UVRAG: variants seen among roughly 807,000 people sequenced by gnomAD.
UVRAG encodes UV radiation resistance-associated gene protein.
Under a neutral mutation model 78.0 loss-of-function variants are expected in UVRAG, and 19 were observed. The observed-to-expected ratio is 0.24, with a 90% CI of 0.17 to 0.36. The LOEUF is 0.36. Among genes scored for constraint, UVRAG ranks in the 10% least tolerant of loss-of-function variants. UVRAG has a pLI of 1.00. For missense variants in UVRAG, 740 were observed against 853.8 expected, an observed-to-expected ratio of 0.87 and a Z score of 1.66; for synonymous variants, 323 against 324.6, an observed-to-expected ratio of 1.00 and a Z score of 0.05.
intron 6 of UVRAG, among the ~76,000 whole-genome samples, chr11:75,915,382 T>G (rs538534048): frequency 6.6e-6 from 1 of 152,340 alleles, no homozygotes; most frequent in South Asian, 2.1e-4. Context: ...TGCCAAAGAT[T>G]AGCAGTTCTT....
chr11:75,976,365 G>A lies in UVRAG; in HGVS notation c.700-7022G>A, dbSNP rs570339465. ...TGTCTCTGCCAGGCTTTGGTATCAG[G>A]ATGATGCTGGCCTCATAAAATGAGT... On this transcript the variant is annotated intron_variant, in intron 7 of 14. Coordinates refer to ENST00000356136, the MANE Select transcript of UVRAG (RefSeq NM_003369.4). Among the ~76,000 whole-genome samples the A allele has an allele frequency of 4.6e-5, 7 of 152,182 alleles. No individual in the cohort carries two copies. The South Asian group carries it at 1.0e-3, about 23-fold the overall frequency.
chr11:75,825,752 T>G (rs151068100), intron 1 of UVRAG, among the ~76,000 whole-genome samples: 264 of 152,340 alleles, frequency 1.7e-3, no homozygotes, highest in African/African-American at 6.2e-3. Context: ...GTCTTGTGTC[T>G]TGTTCCTGCT....
At chr11:75,996,082 T>C (rs1378281117) in intron 8 of UVRAG, among the ~76,000 whole-genome samples, 1 of 152,142 alleles carries the variant, frequency 6.6e-6, no homozygotes, top group Non-Finnish European at 1.5e-5. Flanking sequence ...TTTATTCCAG[T>C]AATGTCTTAT....
chr11:75,880,892 C>T (rs1481775136), intron 4 of UVRAG, among the ~76,000 whole-genome samples: 2 of 149,576 alleles, frequency 1.3e-5, no homozygotes, highest in African/African-American at 4.9e-5. Flanking sequence ...AAAGTAGCTC[C>T]ATAATATTTT....
At chr11:75,996,664 G>T (rs527565199) in intron 8 of UVRAG, among the ~76,000 whole-genome samples, 8 of 152,254 alleles carry the variant, frequency 5.3e-5, no homozygotes, top group Admixed American at 2.0e-4. Flanking sequence ...AAGCTTACTG[G>T]GGGCAGGCAC....
intron 13 of UVRAG, among the ~76,000 whole-genome samples, chr11:76,112,196 A>G (rs1177866072): frequency 2.0e-5 from 3 of 152,180 alleles, no homozygotes. Flanking sequence ...GCTTCCAGAG[A>G]GAAGAATCAA....
intron 4 of UVRAG, among the ~76,000 whole-genome samples, chr11:75,886,198 A>G (rs1323476933): frequency 3.3e-5 from 5 of 152,104 alleles, no homozygotes; most frequent in Non-Finnish European, 7.4e-5. Flanking sequence ...ATTGTTTCTT[A>G]TTTTTCAACA....
At chr11:75,875,295 G>A (rs1946741975) in intron 3 of UVRAG, among the ~76,000 whole-genome samples, 1 of 152,106 alleles carries the variant, frequency 6.6e-6, no homozygotes. Flanking sequence ...GTGAGCATAT[G>A]TTAGTGTCAC....
intron 3 of UVRAG, among the ~76,000 whole-genome samples, chr11:75,879,421 TC>T (rs1946889101): frequency 6.6e-6 from 1 of 152,232 alleles, no homozygotes; most frequent in Non-Finnish European, 1.5e-5. Flanking sequence ...TGTGATGTCT[TC>T]CCCTGTTCAT....
intron 4 of UVRAG, among the ~76,000 whole-genome samples, chr11:75,884,631 C>T (rs1947037376): frequency 6.6e-6 from 1 of 152,064 alleles, no homozygotes; most frequent in African/African-American, 2.4e-5. Context: ...GATGGATGAA[C>T]AATTGTTCCT....
At chr11:76,010,233 C>T (rs558440615) in intron 11 of UVRAG, among the ~76,000 whole-genome samples, 6 of 152,228 alleles carry the variant, frequency 3.9e-5, no homozygotes, top group African/African-American at 1.4e-4. Context: ...GGATACAGAA[C>T]ATTATTCATT....
chr11:76,130,960 G>A (rs1952503229), intron 14 of UVRAG, among the ~76,000 whole-genome samples: 2 of 150,836 alleles, frequency 1.3e-5, no homozygotes, highest in African/African-American at 4.9e-5. Context: ...TTTTTCCCTG[G>A]TTTTCAGCAT....
chr11:76,138,647 G>A (rs1000450212), intron 14 of UVRAG, among the ~76,000 whole-genome samples: 4 of 152,198 alleles, frequency 2.6e-5, no homozygotes, highest in Non-Finnish European at 5.9e-5. Flanking sequence ...GGATTTCTGG[G>A]GTGGGAGGAT....
At position 75,986,794 on chromosome 11, in the gene UVRAG, C is replaced by T. The variant is rs182705058; in HGVS notation, c.826+3281C>T. Among the ~76,000 whole-genome samples the T allele has an allele frequency of 8.6e-5, 13 of 150,896 alleles. No individual in the cohort carries two copies. In the East Asian group the frequency reaches 1.6e-3, roughly 18 times the overall value. On this transcript the variant is annotated intron_variant, in intron 8 of 14. Coordinates refer to ENST00000356136, the MANE Select transcript of UVRAG (RefSeq NM_003369.4). Reference sequence around the variant, plus strand: ...CCTCCCCCAGTTCTAAGTAACCACCCCCCTACCTTCTGTCTCTAGATTTGC... The same window carrying T: ...CCTCCCCCAGTTCTAAGTAACCACCTCCCTACCTTCTGTCTCTAGATTTGC...
intron 8 of UVRAG, among the ~76,000 whole-genome samples, chr11:75,988,037 G>A (rs758266225): frequency 2.0e-5 from 3 of 152,182 alleles, no homozygotes; most frequent in East Asian, 3.9e-4. Context: ...CAGCCCGGCC[G>A]CATTAACTGT....
At chr11:76,084,955 T>C (rs2134416695) in intron 13 of UVRAG, among the ~76,000 whole-genome samples, 1 of 148,360 alleles carries the variant, frequency 6.7e-6, no homozygotes, top group South Asian at 2.1e-4. Flanking sequence ...TCCCAGCTAC[T>C]CAAGAGGCTG....
chr11:76,091,182 T>C (rs1951689633), intron 13 of UVRAG, among the ~76,000 whole-genome samples: 1 of 152,236 alleles, frequency 6.6e-6, no homozygotes, highest in South Asian at 2.1e-4. Flanking sequence ...TTGAAATCAT[T>C]GTTCTATTAT....
intron 6 of UVRAG, among the ~76,000 whole-genome samples, chr11:75,926,969 A>G (rs1346885305): frequency 6.6e-6 from 1 of 152,146 alleles, no homozygotes; most frequent in Non-Finnish European, 1.5e-5. Context: ...TTAATCCTTA[A>G]AGCAAGTGTA....
At chr11:75,922,080 A>G (rs1309241848) in intron 6 of UVRAG, among the ~76,000 whole-genome samples, 2 of 152,176 alleles carry the variant, frequency 1.3e-5, no homozygotes, top group Non-Finnish European at 2.9e-5. Flanking sequence ...ACTTTAAAAG[A>G]CCAATCTTAT....
Sources: gnomAD v4.1 joint callset for allele counts (sites outside exome capture counted in the v4.1 genomes callset) on GRCh38, gnomAD v4.1.1 for gene constraint, MANE v1.5 for transcripts, NCBI Gene and HGNC (gene_info 2026-07-23, HGNC 2026-07-21) for gene names.